Variants in RNF217 observed in about 807,000 individuals in gnomAD.
RNF217 encodes E3 ubiquitin-protein ligase RNF217.
In RNF217, 31 loss-of-function variants were observed where a neutral mutation model predicts 57.8. The observed-to-expected ratio is 0.54, with a 90% CI of 0.40 to 0.72. RNF217 has a LOEUF of 0.72. RNF217 is among the 30% of genes least tolerant of loss of function. The pLI is 0.00. For missense variants in RNF217, 696 were observed against 708.3 expected (o/e 0.98, Z 0.20); for synonymous variants, 313 against 294.0 (o/e 1.06, Z -0.66).
intron 5 of RNF217, among the ~76,000 whole-genome samples, chr6:125,082,090 A>G (rs1430987384): frequency 6.6e-6 from 1 of 152,154 alleles, no homozygotes; most frequent in Non-Finnish European, 1.5e-5. Flanking sequence ...AGGGCTGGAT[A>G]AAACACACAT....
chr6:125,006,960 A>G (rs1321907672), intron 1 of RNF217, among the ~76,000 whole-genome samples: 1 of 152,230 alleles, frequency 6.6e-6, no homozygotes, highest in Admixed American at 6.5e-5. Flanking sequence ...AAAAAAGAAA[A>G]AAAGAATGCA....
intron 1 of RNF217, among the ~76,000 whole-genome samples, chr6:125,038,771 C>G (rs1048574740): frequency 6.6e-6 from 1 of 152,056 alleles, no homozygotes; most frequent in African/African-American, 2.4e-5. Context: ...TTTTCTATCA[C>G]CTATCCTATT....
At chr6:124,978,517 G>A (rs1169586319) in intron 1 of RNF217, among the ~76,000 whole-genome samples, 1 of 151,912 alleles carries the variant, frequency 6.6e-6, no homozygotes, top group Non-Finnish European at 1.5e-5. Context: ...GTTCTCGCTT[G>A]TGGAGTCCCA....
At chr6:124,971,491 C>G (rs189273553) in intron 1 of RNF217, 3 of 336,186 alleles carry the variant, frequency 8.9e-6, no homozygotes, top group Non-Finnish European at 1.8e-5. Context: ...GAGTCTCACT[C>G]TGTCACCAGG....
At chr6:125,003,127 CA>C (rs2114297654) in intron 1 of RNF217, among the ~76,000 whole-genome samples, 1 of 152,212 alleles carries the variant, frequency 6.6e-6, no homozygotes, top group Non-Finnish European at 1.5e-5. Flanking sequence ...CACACACACA[CA>C]TACCTATTCA....
chr6:124,976,988 C>T (rs906971458), intron 1 of RNF217, among the ~76,000 whole-genome samples: 23 of 152,156 alleles, frequency 1.5e-4, no homozygotes, highest in African/African-American at 5.6e-4. Flanking sequence ...ATACTTTGCT[C>T]GTTTTTTTGT....
In RNF217 at chr6:124,963,415, C is replaced by G. The variant is rs907670686; in HGVS notation, c.871C>G (p.Leu291Val). 6.8e-7 allele frequency: 1 copy of G among 1,465,684 alleles called. No homozygotes were observed. Among genetic ancestry groups the G allele is most frequent in the African/African-American group, 1.4e-5 (1 of 70,938 alleles). 90.8% of individuals were successfully genotyped at this position (1,465,684 alleles called of 1,614,324 possible). A position where few individuals can be genotyped will look rare whatever the true frequency, so the allele number is the denominator to read the frequency against. ...GTGCGAGGAGTGCCTCAAAGTCTAC[C>G]TGAGCGCCCAGGTAACTTCACCCCC... is the stretch of plus-strand genomic sequence containing the variant. Reference protein sequence around the residue: ...AVCEECLKVYLSAQVQLGQVE... With the variant: ...AVCEECLKVYVSAQVQLGQVE... Residue 291 changes from leucine to valine, a missense_variant, in exon 1 of 6, where the codon CTG becomes GTG. Physicochemically the swap from Leu to Val is conservative, Grantham distance 32 (BLOSUM62 1). This residue lies in a region of RNF217 where 231 missense variants were observed against 321.4 expected (regional missense o/e 0.72). Transcript: ENST00000521654.
rs1343672629 is a variant in RNF217, at chr6:125,054,127, G to A, written c.1117-3815G>A. Among the ~76,000 whole-genome samples, 5 of 152,164 alleles carry A rather than the reference G, an allele frequency of 3.3e-5. No homozygotes were observed. In the South Asian group the frequency reaches 6.2e-4, roughly 19 times the overall value. On this transcript the variant is annotated intron_variant, in intron 2 of 5. Coordinates refer to ENST00000521654, the MANE Select transcript of RNF217 (RefSeq NM_001286398.3). ...CTGAGGAGTGAACTTGTGGGCTGTT[G>A]GAGAGATTAGACATCTACATCCCTA...
At chr6:125,058,888 A>C (rs542685234) in intron 3 of RNF217, among the ~76,000 whole-genome samples, 1 of 152,132 alleles carries the variant, frequency 6.6e-6, no homozygotes, top group Non-Finnish European at 1.5e-5. Context: ...TGTGGTTCCT[A>C]CCCTTTGCCA....
At chr6:125,050,344 G>C (rs1300029636) in intron 2 of RNF217, among the ~76,000 whole-genome samples, 2 of 151,826 alleles carry the variant, frequency 1.3e-5, no homozygotes, top group Admixed American at 1.3e-4. Context: ...GCAGAATCTT[G>C]ATAATTTATA....
chr6:125,028,612 T>C (rs1786213205), intron 1 of RNF217, among the ~76,000 whole-genome samples: 1 of 152,128 alleles, frequency 6.6e-6, no homozygotes, highest in South Asian at 2.1e-4. Context: ...AATTCAGTTT[T>C]AAAAAGTGGA....
At chr6:125,077,855 T>G (rs1788436710) in intron 4 of RNF217, among the ~76,000 whole-genome samples, 1 of 152,192 alleles carries the variant, frequency 6.6e-6, no homozygotes, top group Non-Finnish European at 1.5e-5. Flanking sequence ...TAGCCCTTGG[T>G]CACTTCATGA....
chr6:125,077,318 T>C (rs1012647573), intron 4 of RNF217, among the ~76,000 whole-genome samples: 3 of 152,188 alleles, frequency 2.0e-5, no homozygotes, highest in Admixed American at 6.5e-5. Context: ...TAGAGTTCCA[T>C]TATGTCTATA....
chr6:125,086,446 C>A lies in RNF217; in HGVS notation c.*3509C>A, dbSNP rs755535913. 3.9e-5 allele frequency: 6 copies of A among 151,952 alleles called. No individual in the cohort carries two copies. The highest frequency in any genetic ancestry group is 6.6e-5 in the Admixed American group (1 of 15,234). The allele number at this position is 151,952 out of a possible 1,614,324, so 9.4% of individuals were successfully genotyped here. A position where few individuals can be genotyped will look rare whatever the true frequency, so the allele number is the denominator to read the frequency against. ...CCCAAGCCAAATTGGTGATACTTTT[C>A]GCATTTTTAGTAACACTATCCACTT... is the stretch of plus-strand genomic sequence containing the variant. On this transcript the variant is annotated 3_prime_UTR_variant, in exon 6 of 6. Coordinates refer to ENST00000521654, the MANE Select transcript of RNF217 (RefSeq NM_001286398.3).
intron 1 of RNF217, among the ~76,000 whole-genome samples, chr6:124,966,414 AG>A (rs1408721697): frequency 1.3e-5 from 2 of 152,188 alleles, no homozygotes; most frequent in Non-Finnish European, 2.9e-5. Context: ...CCACATCAAA[AG>A]GGCATAGTGA....
chr6:125,064,884 T>A (rs1215055883), intron 3 of RNF217, among the ~76,000 whole-genome samples: 1 of 152,058 alleles, frequency 6.6e-6, no homozygotes, highest in African/African-American at 2.4e-5. Flanking sequence ...TAGTGTACCT[T>A]AAAACCATGC....
chr6:124,972,167 G>A (rs1258662388), intron 1 of RNF217, among the ~76,000 whole-genome samples: 1 of 152,112 alleles, frequency 6.6e-6, no homozygotes, highest in Non-Finnish European at 1.5e-5. Context: ...TTGTACTCAG[G>A]TCAGAAACCT....
intron 2 of RNF217, among the ~76,000 whole-genome samples, chr6:125,054,569 A>G (rs1191524904): frequency 1.3e-5 from 2 of 152,176 alleles, no homozygotes; most frequent in Non-Finnish European, 2.9e-5. Flanking sequence ...AGAAAAATCT[A>G]TCTTGGCTAA....
chr6:124,988,152 C>T (rs1784425277), intron 1 of RNF217, among the ~76,000 whole-genome samples: 1 of 152,102 alleles, frequency 6.6e-6, no homozygotes, highest in African/African-American at 2.4e-5. Context: ...GGGTTGCACG[C>T]TCCTTATGAG....
Sources: gnomAD v4.1 joint callset for allele counts (sites outside exome capture counted in the v4.1 genomes callset) on GRCh38, gnomAD v4.1.1 for gene constraint, gnomAD v4.1.1 regional missense constraint, MANE v1.5 for transcripts, NCBI Gene and HGNC (gene_info 2026-07-23, HGNC 2026-07-21) for gene names.